HLCS: variants seen among roughly 807,000 people sequenced by gnomAD.
HLCS encodes holocarboxylase synthetase.
In HLCS, 53 loss-of-function variants were observed where a neutral mutation model predicts 75.0. That is an observed-to-expected ratio of 0.71 (90% CI 0.57 to 0.89). The LOEUF is 0.89. Ranked by LOEUF, HLCS falls within the 40% of genes least tolerant of loss-of-function variation. The probability of loss-of-function intolerance (pLI) is 0.00; values close to 1 mark genes in which losing one functional copy is unlikely to be tolerated. For synonymous variants in HLCS, 431 were observed against 428.6 expected (o/e 1.01, Z -0.07); for missense variants, 966 against 1,074.0 (o/e 0.90, Z 1.41).
chr21:36,955,429 A>T (rs549745640), intron 2 of HLCS, among the ~76,000 whole-genome samples: 21 of 152,230 alleles, frequency 1.4e-4, no homozygotes, highest in Non-Finnish European at 2.8e-4. Flanking sequence ...GTATGTTCAC[A>T]AATTTGTAGA....
chr21:36,978,348 T>C (rs1359035650), intron 1 of HLCS, among the ~76,000 whole-genome samples: 3 of 151,356 alleles, frequency 2.0e-5, no homozygotes, highest in African/African-American at 7.3e-5. Flanking sequence ...ATACAAAAAA[T>C]TAGCCAGGCA....
At chr21:36,800,497 C>A (rs1057409229) in intron 6 of HLCS, among the ~76,000 whole-genome samples, 1 of 152,246 alleles carries the variant, frequency 6.6e-6, no homozygotes, top group African/African-American at 2.4e-5. Context: ...CCGCTCTTGG[C>A]AGTTTATGGG....
intron 6 of HLCS, among the ~76,000 whole-genome samples, chr21:36,846,159 A>G (rs898188210): frequency 6.6e-6 from 1 of 152,156 alleles, no homozygotes; most frequent in African/African-American, 2.4e-5. Flanking sequence ...CCATAAATTT[A>G]GTTTCCTAAA....
chr21:36,814,086 G>C (rs1203916810), intron 6 of HLCS, among the ~76,000 whole-genome samples: 1 of 152,182 alleles, frequency 6.6e-6, no homozygotes, highest in African/African-American at 2.4e-5. Flanking sequence ...TGGAGGCTCA[G>C]AAAGAATAGA....
chr21:36,859,190 T>C (rs1286042790), intron 6 of HLCS, among the ~76,000 whole-genome samples: 5 of 151,926 alleles, frequency 3.3e-5, no homozygotes, highest in East Asian at 1.9e-4. Context: ...GCCCAGCTAA[T>C]TGTTGTATTT....
intron 6 of HLCS, among the ~76,000 whole-genome samples, chr21:36,793,256 G>A (rs1021336731): frequency 6.6e-6 from 1 of 150,712 alleles, no homozygotes; most frequent in Non-Finnish European, 1.5e-5. Flanking sequence ...GTGTGTGCCT[G>A]TCGGAGGGCT....
intron 6 of HLCS, among the ~76,000 whole-genome samples, chr21:36,777,904 G>C (rs982423223): frequency 6.6e-6 from 1 of 152,190 alleles, no homozygotes; most frequent in African/African-American, 2.4e-5. Flanking sequence ...TATTTCTCAT[G>C]AAATTTAATC....
chr21:36,898,001 C>G (rs1180466941), intron 5 of HLCS, among the ~76,000 whole-genome samples: 1 of 152,164 alleles, frequency 6.6e-6, no homozygotes, highest in Non-Finnish European at 1.5e-5. Context: ...AAACACCAGG[C>G]CCTTTACGTC....
chr21:36,802,222 C>A (rs1475942315), intron 6 of HLCS, among the ~76,000 whole-genome samples: 2 of 152,126 alleles, frequency 1.3e-5, no homozygotes, highest in African/African-American at 4.8e-5. Flanking sequence ...CCGCCATTTT[C>A]CCACAAGGCC....
At chr21:36,770,429 A>G (rs1053660928) in intron 6 of HLCS, among the ~76,000 whole-genome samples, 1 of 152,086 alleles carries the variant, frequency 6.6e-6, no homozygotes, top group African/African-American at 2.4e-5. Flanking sequence ...TTACAGGTGT[A>G]AGCCACCACG....
Position 36,896,968 on chromosome 21 carries a change from G to A in HLCS, c.1784C>T (p.Ser595Leu), listed in dbSNP as rs1438653715. 1 of 1,614,156 alleles carries A rather than the reference G, an allele frequency of 6.2e-7. No homozygotes were observed. The highest frequency in any genetic ancestry group is 1.1e-5 in the South Asian group (1 of 91,084). The change falls in exon 6 of 11, where the codon TCA (serine) becomes TTA (leucine). Residue 595 changes from serine (S) to leucine (L), a missense_variant. Transcript: ENST00000674895. ...ATAGATCTCTAAGTTGAAATGTTCT[G>A]ATGAGAAGGCCTCCATGTTGGTCAC... ...PVVTNMEAFS[S>L]EHFNLEIYRQ... is the part of the protein sequence containing the mutation.
intron 4 of HLCS, among the ~76,000 whole-genome samples, chr21:36,934,399 ACT>A (rs1163519806): frequency 1.3e-5 from 2 of 152,176 alleles, no homozygotes; most frequent in Admixed American, 1.3e-4. Flanking sequence ...TGGTTGAGAA[ACT>A]CTGTCATCAA....
intron 6 of HLCS, among the ~76,000 whole-genome samples, chr21:36,846,326 G>A (rs902338612): frequency 5.3e-5 from 8 of 152,062 alleles, no homozygotes. Context: ...ATAAATGTTG[G>A]TTTCCTAAAG....
chr21:36,791,354 C>T (rs1177793970), intron 6 of HLCS, among the ~76,000 whole-genome samples: 1 of 152,138 alleles, frequency 6.6e-6, no homozygotes, highest in Non-Finnish European at 1.5e-5. Context: ...TCAGCATTTG[C>T]GAGAAGCTGC....
chr21:36,874,613 T>C (rs2146246109), intron 6 of HLCS, among the ~76,000 whole-genome samples: 1 of 152,352 alleles, frequency 6.6e-6, no homozygotes, highest in South Asian at 2.1e-4. Context: ...TTCTCCATTA[T>C]AGAACTTTTG....
chr21:36,909,754 T>G (rs1443841983), intron 5 of HLCS, among the ~76,000 whole-genome samples: 2 of 152,194 alleles, frequency 1.3e-5, no homozygotes, highest in Admixed American at 1.3e-4. Context: ...CACATCACTT[T>G]AGAGCGGTTC....
chr21:36,778,282 A>C (rs1012003933), intron 6 of HLCS, among the ~76,000 whole-genome samples: 9 of 148,086 alleles, frequency 6.1e-5, no homozygotes, highest in African/African-American at 2.3e-4. Context: ...TGAATCAATT[A>C]TTATTATTAT....
At position 36,886,248 on chromosome 21, in the gene HLCS, G is replaced by A. The variant is rs543232219; in HGVS notation, c.1892+10612C>T. Among the ~76,000 whole-genome samples the A allele has an allele frequency of 2.6e-5, 4 of 151,764 alleles. No homozygotes were observed. The South Asian group carries it at 6.3e-4, about 24-fold the overall frequency. On this transcript the variant is annotated intron_variant, in intron 6 of 10. Transcript: ENST00000674895. ...AAATCGAGACCATCCTGGTGAACAC[G>A]GTGAAACCCCGTCTCTACTAAAAAT...
intron 5 of HLCS, 41 bp downstream of exon 5, chr21:36,930,210 C>T: frequency 6.3e-7 from 1 of 1,575,102 alleles, no homozygotes; most frequent in South Asian, 1.1e-5. Context: ...TGAAGAGGGC[C>T]ACGTCACAGC....
Sources: gnomAD v4.1 joint callset for allele counts (sites outside exome capture counted in the v4.1 genomes callset) on GRCh38, gnomAD v4.1.1 for gene constraint, MANE v1.5 for transcripts, NCBI Gene and HGNC (gene_info 2026-07-23, HGNC 2026-07-21) for gene names.